Variants in GLIS3 observed in about 807,000 individuals in gnomAD.
GLIS3 encodes GLIS family zinc finger 3.
A neutral mutation model predicts 78.6 loss-of-function variants in GLIS3; 53 were observed. The observed-to-expected ratio is 0.67, with a 90% CI of 0.54 to 0.85. The LOEUF (loss-of-function observed/expected upper bound fraction) is 0.85, where lower values mean the gene tolerates loss of function less well. Among genes scored for constraint, GLIS3 ranks in the 40% least tolerant of loss-of-function variants. The probability of loss-of-function intolerance (pLI) is 0.00; values close to 1 mark genes in which losing one functional copy is unlikely to be tolerated. For synonymous variants in GLIS3, 684 were observed against 509.9 expected (o/e 1.34, Z -4.60); for missense variants, 1,703 against 1,231.1 (o/e 1.38, Z -5.74).
chr9:4,089,902 C>T (rs529924808), intron 4 of GLIS3, among the ~76,000 whole-genome samples: 25 of 152,264 alleles, frequency 1.6e-4, no homozygotes, highest in Non-Finnish European at 2.9e-4. Context: ...TCCACATTTC[C>T]GGGTGATCAT....
chr9:4,219,034 T>C (rs1178367367), intron 2 of GLIS3, among the ~76,000 whole-genome samples: 2 of 152,240 alleles, frequency 1.3e-5, no homozygotes, highest in African/African-American at 2.4e-5. Context: ...GGCATATAAG[T>C]AAGAGCCCAA....
Position 4,326,392 on chromosome 9 carries a change from C to G in GLIS3, n.265-15864G>C, listed in dbSNP as rs80159925. 2.1e-3 allele frequency among the ~76,000 whole-genome samples: 318 copies of G among 152,224 alleles called. 1 individual carries two copies. Among genetic ancestry groups the G allele is most frequent in the African/African-American group, 7.5e-3 (313 of 41,532 alleles). ...TTCAGCCTTCAAAAGCAAGGAAATG[C>G]GGACACATGCTACAACATGGACACA... On this transcript the variant is annotated intron_variant and non_coding_transcript_variant, in intron 2 of 4. Coordinates refer to the GLIS3 transcript ENST00000471664.
At chr9:4,015,955 T>TA (rs1822401000) in intron 4 of GLIS3, among the ~76,000 whole-genome samples, 1 of 148,274 alleles carries the variant, frequency 6.7e-6, no homozygotes, top group African/African-American at 2.5e-5. Flanking sequence ...CTGGCCGTCA[T>TA]AAATAGGAAT....
the GLIS3 span, among the ~76,000 whole-genome samples, chr9:4,447,166 G>A: frequency 1.3e-5 from 2 of 151,994 alleles, no homozygotes; most frequent in African/African-American, 4.8e-5. Flanking sequence ...TCCCACCTTA[G>A]CCTCCCAAGT....
intron 2 of GLIS3, among the ~76,000 whole-genome samples, chr9:4,191,555 G>C (rs1233766190): frequency 6.6e-6 from 1 of 152,206 alleles, no homozygotes; most frequent in Non-Finnish European, 1.5e-5. Flanking sequence ...TGTGGTTTCT[G>C]AATACCATGT....
chr9:4,191,807 A>G (rs1818357989), intron 2 of GLIS3, among the ~76,000 whole-genome samples: 1 of 152,206 alleles, frequency 6.6e-6, no homozygotes, highest in Non-Finnish European at 1.5e-5. Flanking sequence ...CCAAGGTCCA[A>G]GGAAATTGAA....
intron 2 of GLIS3, among the ~76,000 whole-genome samples, chr9:4,263,634 A>T (rs2130051157): frequency 6.6e-6 from 1 of 152,324 alleles, no homozygotes; most frequent in East Asian, 1.9e-4. Flanking sequence ...AGAGACACAG[A>T]AGTGAAAAAG....
At chr9:4,317,799 A>T (rs1817463448) in intron 2 of GLIS3, among the ~76,000 whole-genome samples, 1 of 152,212 alleles carries the variant, frequency 6.6e-6, no homozygotes, top group South Asian at 2.1e-4. Flanking sequence ...GACCTAAAGA[A>T]TTCAAACCAT....
At chr9:4,210,054 C>G (rs1820247791) in intron 2 of GLIS3, among the ~76,000 whole-genome samples, 1 of 152,122 alleles carries the variant, frequency 6.6e-6, no homozygotes, top group South Asian at 2.1e-4. Flanking sequence ...CTTGGTGTCC[C>G]CAGTGCTGGT....
chr9:4,146,518 C>T (rs1258469428), intron 2 of GLIS3, among the ~76,000 whole-genome samples: 2 of 152,200 alleles, frequency 1.3e-5, no homozygotes, highest in Admixed American at 6.5e-5. Context: ...CTGTCCTCAT[C>T]TCTGACATGC....
the GLIS3 span, among the ~76,000 whole-genome samples, chr9:4,481,242 G>C: frequency 6.6e-6 from 1 of 152,208 alleles, no homozygotes; most frequent in South Asian, 2.1e-4. Context: ...CCAGTACTTT[G>C]GGAGGCCGAG....
chr9:3,937,103 G>A lies in GLIS3; in HGVS notation c.1797C>T (p.Cys599=). 1 of 1,613,972 alleles carries A rather than the reference G, an allele frequency of 6.2e-7. No homozygotes were observed. Among genetic ancestry groups the A allele is most frequent in the Non-Finnish European group, 8.5e-7 (1 of 1,180,032 alleles). Residue 599 remains cysteine, a synonymous_variant, in exon 5 of 11, where the codon TGC becomes TGT. Transcript: ENST00000381971. ...RSHTGEKPYL[C]QHPGCQKAFS... Reference sequence around the variant, plus strand: ...AGGCCTTCTGACAACCCGGATGCTGGCACAAATACGGCTTCTCGCCTGTGT... The same window carrying A: ...AGGCCTTCTGACAACCCGGATGCTGACACAAATACGGCTTCTCGCCTGTGT...
At chr9:4,073,237 C>G (rs1336488755) in intron 4 of GLIS3, among the ~76,000 whole-genome samples, 1 of 152,178 alleles carries the variant, frequency 6.6e-6, no homozygotes, top group Non-Finnish European at 1.5e-5. Flanking sequence ...GCTGGGCTAG[C>G]ATAGAGCACT....
At chr9:3,916,950 C>T (rs1235192910) in intron 6 of GLIS3, among the ~76,000 whole-genome samples, 1 of 152,104 alleles carries the variant, frequency 6.6e-6, no homozygotes. Context: ...TAAAGATGTA[C>T]AATGCAAAAT....
At chr9:4,227,997 T>C (rs1377439640) in intron 2 of GLIS3, among the ~76,000 whole-genome samples, 1 of 152,076 alleles carries the variant, frequency 6.6e-6, no homozygotes, top group Non-Finnish European at 1.5e-5. Context: ...TAGAAAACTT[T>C]GATGAGCCCC....
At chr9:4,402,465 C>T in the GLIS3 span, among the ~76,000 whole-genome samples, 2 of 152,228 alleles carry the variant, frequency 1.3e-5, no homozygotes, top group East Asian at 3.9e-4. Flanking sequence ...CATGACCTCA[C>T]CAAATGAACT....
At chr9:4,168,051 A>C (rs116394050) in intron 2 of GLIS3, among the ~76,000 whole-genome samples, 5,540 of 152,242 alleles carry the variant, frequency 0.036, 128 homozygotes, top group Middle Eastern at 0.092. Flanking sequence ...GTGGAGATAA[A>C]ATACCTGGCC....
Position 4,286,088 on chromosome 9 carries a change from T to A in GLIS3, c.338A>T (p.Lys113Met), listed in dbSNP as rs1225860686. The change falls in exon 2 of 11, where the codon AAG becomes ATG. Residue 113 changes from lysine (K) to methionine (M), a missense_variant. Coordinates refer to ENST00000381971, the MANE Select transcript of GLIS3 (RefSeq NM_001042413.2). ...AGGMSGSHTLKPKQQEFGSPF... is the reference protein window; with the variant it reads ...AGGMSGSHTLMPKQQEFGSPF... The stretch of plus-strand genomic sequence containing the variant: ...GCTTCCAAACTCCTGCTGCTTTGGC[T>A]TTAAAGTATGTGACCCTGACATGCC... 1 of 1,613,660 alleles carries A rather than the reference T, an allele frequency of 6.2e-7. No homozygotes were observed. Among genetic ancestry groups the A allele is most frequent in the Non-Finnish European group, 8.5e-7 (1 of 1,179,722 alleles).
chr9:3,913,146 C>T (rs964553367), intron 6 of GLIS3, among the ~76,000 whole-genome samples: 28 of 152,172 alleles, frequency 1.8e-4, no homozygotes, highest in Non-Finnish European at 2.9e-4. Context: ...TGGGGAGGGA[C>T]TCACTGTAAA....
Sources: allele counts gnomAD v4.1 joint callset (sites outside exome capture counted in the v4.1 genomes callset), GRCh38; gene constraint gnomAD v4.1.1; transcripts MANE v1.5; gene names NCBI Gene and HGNC (gene_info 2026-07-23, HGNC 2026-07-21).